The following HOOK3 variants were observed in gnomAD, a reference collection of about 807,000 sequenced individuals.
HOOK3 encodes protein Hook homolog 3.
A neutral mutation model predicts 116.3 loss-of-function variants in HOOK3; 24 were observed. The observed-to-expected ratio is 0.21, with a 90% CI of 0.15 to 0.29. The LOEUF (loss-of-function observed/expected upper bound fraction) is 0.29, where lower values mean the gene tolerates loss of function less well. Among genes scored for constraint, HOOK3 ranks in the 10% least tolerant of loss-of-function variants. The pLI is 1.00. For missense variants in HOOK3, 632 were observed against 830.2 expected (o/e 0.76, Z 2.93); for synonymous variants, 275 against 283.0 (o/e 0.97, Z 0.28).
At chr8:43,003,829 C>G (rs1402226008) in intron 17 of HOOK3, among the ~76,000 whole-genome samples, 1 of 152,126 alleles carries the variant, frequency 6.6e-6, no homozygotes, top group African/African-American at 2.4e-5. Flanking sequence ...ACATGTCATT[C>G]TTTTCTCTGT....
intron 7 of HOOK3, 92 bp from the exon 8 acceptor site, chr8:42,959,138 CA>C (rs945949950): frequency 5.0e-5 from 39 of 782,444 alleles, no homozygotes; most frequent in African/African-American, 1.4e-4. Context: ...TCAGGAAAGA[CA>C]GGGGGGAGAT....
intron 4 of HOOK3, among the ~76,000 whole-genome samples, chr8:42,938,014 G>T (rs1041373213): frequency 1.3e-5 from 2 of 152,126 alleles, no homozygotes; most frequent in African/African-American, 4.8e-5. Context: ...CTATTGTTGT[G>T]TGGGAGTCTA....
In HOOK3 at chr8:42,970,782, C is replaced by CTTTTTTTTTTTTTT. The variant is rs764513803; in HGVS notation, c.1123-2499_1123-2486dup. Among the ~76,000 whole-genome samples, 117 of 93,856 alleles carry CTTTTTTTTTTTTTT rather than the reference C, an allele frequency of 1.2e-3. 9 individuals are homozygous for CTTTTTTTTTTTTTT. Among genetic ancestry groups the CTTTTTTTTTTTTTT allele is most frequent in the African/African-American group, 4.6e-3 (107 of 23,076 alleles). The allele number at this position is 93,856 out of a possible 152,430, so 61.6% of individuals were successfully genotyped here. A position where few individuals can be genotyped will look rare whatever the true frequency, so the allele number is the denominator to read the frequency against. Reference sequence around the variant, plus strand: ...GTAAAGAAATAAAAGGAATTTGGGTCTTTTTTTTTTTTTTTTTTTTTCTGA... The same window carrying CTTTTTTTTTTTTTT: ...GTAAAGAAATAAAAGGAATTTGGGTCTTTTTTTTTTTTTTTTTTTTTTTTTTTTTTTTTTTCTGA... On this transcript the variant is annotated intron_variant, in intron 11 of 21. Transcript: ENST00000307602.
intron 19 of HOOK3, 132 bp from the exon 20 acceptor site, chr8:43,012,919 T>G: frequency 1.6e-6 from 1 of 619,430 alleles, no homozygotes; most frequent in South Asian, 2.1e-5. Context: ...CTTTTTAAAA[T>G]ACCCTTGTAA....
intron 17 of HOOK3, among the ~76,000 whole-genome samples, chr8:43,004,549 C>T (rs1407205094): frequency 6.6e-6 from 1 of 151,220 alleles, no homozygotes; most frequent in Non-Finnish European, 1.5e-5. Context: ...GGCATGGTGG[C>T]GCATGCCTGT....
intron 14 of HOOK3, among the ~76,000 whole-genome samples, chr8:42,983,271 T>C (rs1044943942): frequency 3.3e-5 from 5 of 151,358 alleles, no homozygotes; most frequent in Admixed American, 2.6e-4. Flanking sequence ...GAGGCGTAGC[T>C]TGCAGTGAGC....
At chr8:42,919,802 C>T (rs1180516965) in intron 2 of HOOK3, among the ~76,000 whole-genome samples, 2 of 152,128 alleles carry the variant, frequency 1.3e-5, no homozygotes, top group South Asian at 4.1e-4. Flanking sequence ...ACCAGTCAGG[C>T]GTGGCGGTGC....
chr8:42,907,254 T>G (rs1020700901), intron 2 of HOOK3, among the ~76,000 whole-genome samples: 1 of 152,202 alleles, frequency 6.6e-6, no homozygotes, highest in East Asian at 1.9e-4. Context: ...AATGAATTAT[T>G]GGTTTTCTTT....
At chr8:43,004,196 G>A (rs960837997) in intron 17 of HOOK3, among the ~76,000 whole-genome samples, 14 of 149,306 alleles carry the variant, frequency 9.4e-5, no homozygotes, top group Admixed American at 2.0e-4. Flanking sequence ...GTGAAACTCT[G>A]TCTCTACTAA....
At chr8:43,008,201 G>A (rs1480631230) in intron 18 of HOOK3, among the ~76,000 whole-genome samples, 2 of 151,828 alleles carry the variant, frequency 1.3e-5, no homozygotes, top group Non-Finnish European at 1.5e-5. Flanking sequence ...TGTATTTTTA[G>A]TAGAGATGGG....
chr8:42,919,654 T>G (rs1458173315), intron 2 of HOOK3, among the ~76,000 whole-genome samples: 3 of 152,144 alleles, frequency 2.0e-5, no homozygotes, highest in African/African-American at 7.2e-5. Context: ...CTGGGCAACA[T>G]TGAGCACTGA....
At chr8:42,968,914 A>G (rs1808679337) in intron 11 of HOOK3, among the ~76,000 whole-genome samples, 1 of 152,194 alleles carries the variant, frequency 6.6e-6, no homozygotes, top group African/African-American at 2.4e-5. Flanking sequence ...CTAAAAATTT[A>G]TAGCACTTTG....
chr8:42,968,357 T>C, intron 11 of HOOK3, 143 bp downstream of exon 11: 1 of 605,016 alleles, frequency 1.7e-6, no homozygotes. Context: ...GGAGACTGAG[T>C]CTCACTCTGT....
chr8:43,015,391 C>T (rs796700306), intron 21 of HOOK3, among the ~76,000 whole-genome samples: 14 of 151,964 alleles, frequency 9.2e-5, no homozygotes, highest in African/African-American at 1.9e-4. Context: ...GTTGTGGTGG[C>T]GGGTGCCTGT....
intron 3 of HOOK3, among the ~76,000 whole-genome samples, chr8:42,927,231 G>T (rs1380123092): frequency 2.1e-5 from 3 of 142,162 alleles, no homozygotes; most frequent in Non-Finnish European, 4.6e-5. Context: ...AATGAAAACC[G>T]TTTAATGGCA....
At chr8:42,939,256 G>T (rs947255825) in intron 4 of HOOK3, among the ~76,000 whole-genome samples, 3 of 152,212 alleles carry the variant, frequency 2.0e-5, no homozygotes, top group Non-Finnish European at 2.9e-5. Context: ...CGGGGTGGTG[G>T]CCGGGAAGAG....
intron 2 of HOOK3, among the ~76,000 whole-genome samples, chr8:42,922,971 T>A (rs773798173): frequency 2.6e-5 from 4 of 151,644 alleles, no homozygotes; most frequent in Non-Finnish European, 5.9e-5. Flanking sequence ...AAGAGGCTGG[T>A]ATCCTGAATA....
rs1809783226 is a variant in HOOK3, at chr8:43,019,396, A to C, written c.*898A>C. ...ATATGTACAAGTTATTGGTAGTCTT[A>C]TTTTTGGGCTGTTTGTTGACTTATG... On this transcript the variant is annotated 3_prime_UTR_variant, in exon 22 of 22. Transcript: ENST00000307602. 4.7e-6 allele frequency: 1 copy of C among 214,198 alleles called. No homozygotes were observed. Among genetic ancestry groups the C allele is most frequent in the South Asian group, 1.9e-4 (1 of 5,356 alleles). 13.3% of individuals were successfully genotyped at this position (214,198 alleles called of 1,614,324 possible). A position where few individuals can be genotyped will look rare whatever the true frequency, so the allele number is the denominator to read the frequency against.
At chr8:42,953,565 GA>G (rs1039325241) in intron 6 of HOOK3, among the ~76,000 whole-genome samples, 63 of 126,826 alleles carry the variant, frequency 5.0e-4, no homozygotes, top group Admixed American at 5.6e-4. Context: ...CTCCATCTCA[GA>G]AAAAAAAAAA....
Sources: allele counts gnomAD v4.1 joint callset (sites outside exome capture counted in the v4.1 genomes callset), GRCh38; gene constraint gnomAD v4.1.1; transcripts MANE v1.5; gene names NCBI Gene and HGNC (gene_info 2026-07-23, HGNC 2026-07-21).